IK: variants seen among roughly 807,000 people sequenced by gnomAD.
The protein encoded by IK is protein Red.
IK carries 47 observed loss-of-function variants against 90.9 expected under a neutral mutation model. The observed-to-expected ratio is 0.52, with a 90% CI of 0.41 to 0.66. The LOEUF is 0.66. Among genes scored for constraint, IK ranks in the 30% least tolerant of loss-of-function variants. The pLI is 0.00. For missense variants in IK, 385 were observed against 709.3 expected (o/e 0.54, Z 5.19); for synonymous variants, 201 against 227.5 (o/e 0.88, Z 1.05).
In IK at chr5:140,654,681, G is replaced by A; in HGVS notation, c.591G>A (p.Lys197=). ...ELMEKPQKET[K]KDEDPENKIE... ...AAATAAAACTTTTTTGTCTTTTCAG[G>A]AAAGATGAGGATCCTGAAAATAAAA... Residue 197 remains lysine, a splice_region_variant and synonymous_variant, in exon 8 of 20, where the codon AAG becomes AAA. Transcript: ENST00000417647. The A allele has an allele frequency of 6.2e-7, 1 of 1,603,506 alleles. No individual in the cohort carries two copies. The highest frequency in any genetic ancestry group is 2.2e-5 in the East Asian group (1 of 44,814).
At chr5:140,659,366 C>T in intron 13 of IK, 33 bp downstream of exon 13, 2 of 1,612,158 alleles carry the variant, frequency 1.2e-6, no homozygotes, top group Non-Finnish European at 1.7e-6. Flanking sequence ...CACAGTTGCT[C>T]TAGCAGTCCT....
Position 140,657,643 on chromosome 5 carries a change from G to A in IK, c.891G>A (p.Lys297=). The A allele has an allele frequency of 6.2e-7, 1 of 1,611,330 alleles. No homozygotes were observed. The highest frequency in any genetic ancestry group is 8.5e-7 in the Non-Finnish European group (1 of 1,177,742). The change falls in exon 10 of 20, where the codon AAG becomes AAA. Residue 297 remains lysine, a synonymous_variant. Transcript: ENST00000417647. ...SYLRQGTRNK[K]LKKKDKGKLE... is the part of the protein sequence containing the mutation. Reference sequence around the variant, plus strand: ...TGAGGCAGGGAACCCGTAACAAGAAGCTTAAGAAGAAGGATAAAGGTACCT... The same window carrying A: ...TGAGGCAGGGAACCCGTAACAAGAAACTTAAGAAGAAGGATAAAGGTACCT...
At chr5:140,648,740 A>T in intron 2 of IK, 1 of 508,674 alleles carries the variant, frequency 2.0e-6, no homozygotes, top group East Asian at 3.1e-5. Context: ...AAAGGTGTTA[A>T]GTTTTTTTTT....
Position 140,653,947 on chromosome 5 carries a change from A to G in IK, c.414A>G (p.Ser138=). 1 of 1,605,112 alleles carries G rather than the reference A, an allele frequency of 6.2e-7. No individual in the cohort carries two copies. The change falls in exon 6 of 20, where the codon TCA becomes TCG. Residue 138 remains serine, a synonymous_variant. Coordinates refer to ENST00000417647, the MANE Select transcript of IK (RefSeq NM_006083.4). The stretch of plus-strand genomic sequence containing the variant: ...CTCTTTCATTATACAGGGACAAATC[A>G]GCTGCAGAGAAGAGAAGACAGTTGA... The part of the protein sequence containing the change: ...AVGPTAEADK[S]AAEKRRQLIQ...
chr5:140,653,209 A>G, intron 5 of IK, 65 bp downstream of exon 5: 4 of 1,404,168 alleles, frequency 2.8e-6, no homozygotes, highest in Admixed American at 1.9e-5. Context: ...TACAATGTGA[A>G]CTCTTCCTCT....
chr5:140,662,315 A>T lies in IK; in HGVS notation c.1660A>T (p.Arg554Ter). 1.9e-6 allele frequency: 3 copies of T among 1,614,022 alleles called. No homozygotes were observed. Among genetic ancestry groups the T allele is most frequent in the Non-Finnish European group, 2.5e-6 (3 of 1,179,878 alleles). Residue 554 changes from arginine (R) to a stop codon, truncating the protein, a stop_gained, in exon 20 of 20, where the codon AGA becomes TGA. Transcript: ENST00000417647. LOFTEE classifies it high-confidence loss of function. ...CTTCCATTGCAGGGTTGAAGTCAAA[A>T]GACCAAAATACTAATCACTAGTTAC... ...KMEADGVEVK[R>*]PKY
chr5:140,652,957 T>A lies in IK; in HGVS notation c.237-20T>A. 3.1e-6 allele frequency: 5 copies of A among 1,611,852 alleles called. No individual in the cohort carries two copies. The highest frequency in any genetic ancestry group is 4.2e-6 in the Non-Finnish European group (5 of 1,179,400). On this transcript the variant is annotated intron_variant, in intron 4 of 19. Coordinates refer to ENST00000417647, the MANE Select transcript of IK (RefSeq NM_006083.4). ...GTAGCAGCTGATGAGCCTTATACAT[T>A]TGCCTTTCTCTGGTCACAGTTATTA...
intron 11 of IK, 79 bp downstream of exon 11, chr5:140,658,855 C>T: frequency 6.3e-7 from 1 of 1,596,590 alleles, no homozygotes; most frequent in Non-Finnish European, 8.6e-7. Flanking sequence ...TGGGGAGGTG[C>T]TGACATGAGA....
chr5:140,651,381 G>T (rs1348291443), intron 2 of IK, among the ~76,000 whole-genome samples: 17 of 151,310 alleles, frequency 1.1e-4, no homozygotes, highest in African/African-American at 3.9e-4. Flanking sequence ...AGAGGTTGCA[G>T]TGGGCTGAGA....
rs764043917 is a variant in IK at position 140,653,003 on chromosome 5, A to G, written c.263A>G (p.Glu88Gly). Residue 88 changes from glutamate (E) to glycine (G), a missense_variant, in exon 5 of 20, where the codon GAA becomes GGA. Glu to Gly is a moderately conservative substitution (Grantham distance 98). Around this residue, in one of 8 missense-constraint regions of IK, gnomAD observed 64 missense variants for 144.6 expected, o/e 0.44. Transcript: ENST00000417647. ...KSYYAKLRQQEIERERELAEK... is the reference protein window; with the variant it reads ...KSYYAKLRQQGIERERELAEK... The stretch of plus-strand genomic sequence containing the variant: ...TATTATGCCAAGCTACGCCAACAAG[A>G]AATTGAGAGAGAGAGAGAGCTAGCA... 6.2e-7 allele frequency: 1 copy of G among 1,613,854 alleles called. No homozygotes were observed. Among genetic ancestry groups the G allele is most frequent in the Non-Finnish European group, 8.5e-7 (1 of 1,179,866 alleles).
In IK at chr5:140,659,252, G is replaced by C. The variant is rs1365310495; in HGVS notation, c.1177-63G>C. Reference sequence around the variant, plus strand: ...TTGGGTAAGGAATTGTTTCAAACTTGGGGGAGGGATGAGTAGGAATCTCTC... The same window carrying C: ...TTGGGTAAGGAATTGTTTCAAACTTCGGGGAGGGATGAGTAGGAATCTCTC... On this transcript the variant is annotated intron_variant, in intron 12 of 19. Transcript: ENST00000417647. 6.2e-6 allele frequency: 10 copies of C among 1,612,964 alleles called. No homozygotes were observed. The East Asian group carries it at 1.3e-4, about 22-fold the overall frequency.
intron 5 of IK, 125 bp from the exon 6 acceptor site, chr5:140,653,813 C>A: frequency 1.7e-6 from 1 of 598,638 alleles, no homozygotes; most frequent in Non-Finnish European, 3.0e-6. Flanking sequence ...CCATATCCAC[C>A]AGGCTGGTCT....
chr5:140,650,069 G>T (rs1306576395), intron 2 of IK, among the ~76,000 whole-genome samples: 1 of 152,104 alleles, frequency 6.6e-6, no homozygotes, highest in Non-Finnish European at 1.5e-5. Context: ...CCATTTTTCA[G>T]CAGGACTCAT....
intron 5 of IK, 80 bp from the exon 6 acceptor site, chr5:140,653,858 C>A: frequency 1.2e-6 from 1 of 822,338 alleles, no homozygotes; most frequent in Non-Finnish European, 2.0e-6. Flanking sequence ...CCGCCTTGAC[C>A]TCCCAGAGTA....
Position 140,659,341 on chromosome 5 carries a change from G to A in IK, c.1195+8G>A, listed in dbSNP as rs1757764252. On this transcript the variant is annotated splice_region_variant and intron_variant, in intron 13 of 19. Coordinates refer to ENST00000417647, the MANE Select transcript of IK (RefSeq NM_006083.4). ...CCATGGACGTTGACAAAGGTGAGTT[G>A]TACACACAGCATCTCACAGTTGCTC... 1 of 1,613,824 alleles carries A rather than the reference G, an allele frequency of 6.2e-7. No homozygotes were observed. The highest frequency in any genetic ancestry group is 1.3e-5 in the African/African-American group (1 of 74,934).
Position 140,651,754 on chromosome 5 carries a change from A to T in IK, c.124A>T (p.Thr42Ser), listed in dbSNP as rs1202721116. The T allele has an allele frequency of 3.7e-6, 6 of 1,612,850 alleles. No individual in the cohort carries two copies. The highest frequency in any genetic ancestry group is 5.1e-6 in the Non-Finnish European group (6 of 1,179,180). ...TGAAGACTTCAGGAAACTTCTCATGACCCCCAGGGCTGCACCTACCTCTGC... is the reference window on the plus strand; with the variant it reads ...TGAAGACTTCAGGAAACTTCTCATGTCCCCCAGGGCTGCACCTACCTCTGC... The part of the protein sequence containing the change: ...TNEDFRKLLM[T>S]PRAAPTSAPP... Residue 42 changes from threonine to serine, a missense_variant, in exon 3 of 20, where the codon ACC becomes TCC. This residue lies in a region of IK where 64 missense variants were observed against 144.6 expected (regional missense o/e 0.44). Transcript: ENST00000417647.
chr5:140,660,709 G>A (rs1757790206), intron 15 of IK, 49 bp from the exon 16 acceptor site: 1 of 1,475,746 alleles, frequency 6.8e-7, no homozygotes, highest in Admixed American at 1.7e-5. Context: ...TCCAGATGAA[G>A]CATAGGGTCA....
At position 140,660,292 on chromosome 5, in the gene IK, C is replaced by CTTTTTTTTTTTTTTTTTTTTT. The variant is rs200714869; in HGVS notation, c.1355+99_1355+119dup. 3.4e-4 allele frequency: 97 copies of CTTTTTTTTTTTTTTTTTTTTT among 283,138 alleles called. 10 individuals carry two copies. The highest frequency in any genetic ancestry group is 2.0e-3 in the African/African-American group (39 of 19,474). 17.5% of individuals were successfully genotyped at this position (283,138 alleles called of 1,614,324 possible). ...GATTCGCTAAGTCCCAGGGCTACTTCTTTTTTTTTTTTTTTTTTTTTTGGA... is the reference window on the plus strand; with the variant it reads ...GATTCGCTAAGTCCCAGGGCTACTTCTTTTTTTTTTTTTTTTTTTTTTTTTTTTTTTTTTTTTTTTTTTGGA... On this transcript the variant is annotated intron_variant, in intron 15 of 19. Transcript: ENST00000417647.
At chr5:140,648,787 G>T in intron 2 of IK, 1 of 477,498 alleles carries the variant, frequency 2.1e-6, no homozygotes, top group Non-Finnish European at 3.7e-6. Flanking sequence ...CATTATATAG[G>T]AATTACTTCT....
Sources: allele counts gnomAD v4.1 joint callset (sites outside exome capture counted in the v4.1 genomes callset), GRCh38; gene constraint gnomAD v4.1.1; regional missense constraint gnomAD v4.1.1; transcripts MANE v1.5; gene names NCBI Gene and HGNC (gene_info 2026-07-23, HGNC 2026-07-21).